PADI2: variants seen among roughly 807,000 people sequenced by gnomAD.
PADI2 encodes the protein protein-arginine deiminase type-2.
PADI2 carries 70 observed loss-of-function variants against 81.1 expected under a neutral mutation model. That is an observed-to-expected ratio of 0.86 (90% CI 0.71 to 1.05). The LOEUF is 1.05. PADI2 is among the 50% of genes least tolerant of loss of function. The probability of loss-of-function intolerance (pLI) is 0.00; values close to 1 mark genes in which losing one functional copy is unlikely to be tolerated. For synonymous variants in PADI2, 338 were observed against 358.0 expected, an observed-to-expected ratio of 0.94 and a Z score of 0.63; for missense variants, 853 against 889.9, an observed-to-expected ratio of 0.96 and a Z score of 0.53.
At chr1:17,092,874 A>G (rs1252055569) in intron 5 of PADI2, among the ~76,000 whole-genome samples, 4 of 147,484 alleles carry the variant, frequency 2.7e-5, no homozygotes, top group Non-Finnish European at 6.0e-5. Flanking sequence ...GCTTGAACCC[A>G]GGGGGTTGAG....
rs145447459 is a variant in PADI2, at chr1:17,095,321, A to T, written c.411+588T>A. On this transcript the variant is annotated intron_variant, in intron 4 of 15. Transcript: ENST00000375486. ...CACCAACCACACCACATGCCTCCTG[A>T]GAGTCACCAGAGCAGAAAGAGACAC... Among the ~76,000 whole-genome samples the T allele has an allele frequency of 4.7e-3, 716 of 152,344 alleles. 4 individuals are homozygous for T. Among genetic ancestry groups the T allele is most frequent in the Non-Finnish European group, 8.9e-3 (604 of 68,040 alleles).
At chr1:17,094,700 G>A (rs1226906004) in intron 4 of PADI2, among the ~76,000 whole-genome samples, 1 of 152,248 alleles carries the variant, frequency 6.6e-6, no homozygotes, top group East Asian at 1.9e-4. Context: ...TATGGGATGA[G>A]TGAAGAAAAT....
intron 11 of PADI2, among the ~76,000 whole-genome samples, chr1:17,076,425 A>C (rs570654007): frequency 2.6e-5 from 4 of 151,880 alleles, no homozygotes; most frequent in Non-Finnish European, 5.9e-5. Context: ...ATGTTGGCCA[A>C]GCTGGTCTTG....
intron 4 of PADI2, among the ~76,000 whole-genome samples, chr1:17,094,875 T>C (rs1930852053): frequency 6.6e-6 from 1 of 152,172 alleles, no homozygotes; most frequent in East Asian, 1.9e-4. Context: ...TCATATGGCT[T>C]GGCCATAGAC....
chr1:17,114,681 C>T lies in PADI2; in HGVS notation c.92+4599G>A, dbSNP rs560883398. ...AAAAAATGTGATGAAACAGAGTTCT[C>T]GGGACTCAGGGTAGGGCACCACGAC... On this transcript the variant is annotated intron_variant, in intron 1 of 15. Transcript: ENST00000375486. Among the ~76,000 whole-genome samples the T allele has an allele frequency of 6.2e-5, 9 of 145,426 alleles. No individual in the cohort carries two copies. In the South Asian group the frequency reaches 1.2e-3, roughly 20 times the overall value.
chr1:17,073,224 C>CG lies in PADI2; in HGVS notation c.1549+1631dup, dbSNP rs779632511. Among the ~76,000 whole-genome samples the CG allele has an allele frequency of 4.6e-5, 7 of 152,092 alleles. No individual in the cohort carries two copies. In the East Asian group the frequency reaches 1.4e-3, roughly 29 times the overall value. ...TGAGGTCAGGAGATTGAGACCATCC[C>CG]GGCTAACATGGTGAAACCCCACCTC... On this transcript the variant is annotated intron_variant, in intron 13 of 15. Transcript: ENST00000375486.
chr1:17,088,086 G>A (rs1002263644), intron 6 of PADI2, among the ~76,000 whole-genome samples: 4 of 152,070 alleles, frequency 2.6e-5, no homozygotes, highest in African/African-American at 7.2e-5. Flanking sequence ...TGTGGGAAGC[G>A]TCATAACGGC....
At position 17,115,534 on chromosome 1, in the gene PADI2, A is replaced by G. The variant is rs1173504652; in HGVS notation, c.92+3746T>C. Among the ~76,000 whole-genome samples the G allele has an allele frequency of 6.6e-6, 1 of 152,220 alleles. No individual in the cohort carries two copies. Among genetic ancestry groups the G allele is most frequent in the Non-Finnish European group, 1.5e-5 (1 of 68,030 alleles). On this transcript the variant is annotated intron_variant, in intron 1 of 15. Coordinates refer to ENST00000375486, the MANE Select transcript of PADI2 (RefSeq NM_007365.3). This position sits in a 1 kb window ranked among gnomAD's most constrained non-coding sequence, Gnocchi z 4.1. ...GTGGGCAGAGAGTGACCACCCTGCT[A>G]CCTACTTTACTCCGAGGCTGCCCTG...
At chr1:17,100,187 G>A (rs1931093057) in intron 3 of PADI2, among the ~76,000 whole-genome samples, 4 of 152,248 alleles carry the variant, frequency 2.6e-5, no homozygotes, top group Non-Finnish European at 5.9e-5. Context: ...AGGGAAACCA[G>A]ATTTTCACCA....
rs1931852373 is a variant in PADI2 at position 17,119,047 on chromosome 1, G to A, written c.92+233C>T. ...AAAGGGAGGGTCTGTGAGGGAGCTG[G>A]GGCTGAGGCTGTGTTAGGGGGTCTG... On this transcript the variant is annotated intron_variant, in intron 1 of 15. Transcript: ENST00000375486. This position sits in a 1 kb window ranked among gnomAD's most constrained non-coding sequence, Gnocchi z 4.8. 6.6e-6 allele frequency among the ~76,000 whole-genome samples: 1 copy of A among 152,112 alleles called. No individual in the cohort carries two copies. Among genetic ancestry groups the A allele is most frequent in the South Asian group, 2.1e-4 (1 of 4,824 alleles).
chr1:17,071,900 C>T (rs2078267149), intron 13 of PADI2, among the ~76,000 whole-genome samples: 3 of 152,218 alleles, frequency 2.0e-5, no homozygotes, highest in Non-Finnish European at 4.4e-5. Flanking sequence ...AGAGCTGCCT[C>T]ATCTTGGCTG....
In PADI2 at chr1:17,067,158, C is replaced by T. The variant is rs2101564274; in HGVS notation, c.*1886G>A. 6.8e-6 allele frequency: 1 copy of T among 147,122 alleles called. No homozygotes were observed. The highest frequency in any genetic ancestry group is 6.9e-5 in the Admixed American group (1 of 14,448). 9.1% of individuals were successfully genotyped at this position (147,122 alleles called of 1,614,324 possible). On this transcript the variant is annotated 3_prime_UTR_variant, in exon 16 of 16. Coordinates refer to ENST00000375486, the MANE Select transcript of PADI2 (RefSeq NM_007365.3). ...AGCCTTAGAAAAATCTATAAAGACACACTGTCTGCACATGGGAGGCGCTCA... is the reference window on the plus strand; with the variant it reads ...AGCCTTAGAAAAATCTATAAAGACATACTGTCTGCACATGGGAGGCGCTCA...
At position 17,084,676 on chromosome 1, in the gene PADI2, C is replaced by A; in HGVS notation, c.861G>T (p.Thr287=). The A allele has an allele frequency of 6.4e-7, 1 of 1,562,426 alleles. No individual in the cohort carries two copies. Among genetic ancestry groups the A allele is most frequent in the East Asian group, 2.4e-5 (1 of 41,388 alleles). ...AQDIPLTPIF[T]DTVIFRIAPW... is the part of the protein sequence containing the mutation. ...GAGCAATCCGGAATATCACGGTGTC[C>A]GTGAAGATGGGAGTCAGGGGAATGT... The change falls in exon 8 of 16, where the codon ACG becomes ACT. Residue 287 remains threonine, a synonymous_variant. Transcript: ENST00000375486.
chr1:17,081,993 A>G (rs1183210920), intron 10 of PADI2, among the ~76,000 whole-genome samples: 1 of 152,134 alleles, frequency 6.6e-6, no homozygotes, highest in East Asian at 1.9e-4. Context: ...CATGCCTGTA[A>G]TCCCAGCTAC....
intron 1 of PADI2, among the ~76,000 whole-genome samples, chr1:17,110,430 C>A (rs189292691): frequency 5.7e-4 from 87 of 152,218 alleles, no homozygotes; most frequent in African/African-American, 2.0e-3. Context: ...AATGAATGCA[C>A]CTGCCCTTCT....
intron 5 of PADI2, among the ~76,000 whole-genome samples, chr1:17,092,766 T>C (rs1390395391): frequency 6.6e-6 from 1 of 151,302 alleles, no homozygotes; most frequent in Non-Finnish European, 1.5e-5. Context: ...CTGAGCAACA[T>C]AGCAAGACCC....
At chr1:17,070,010 G>C in intron 15 of PADI2, 78 bp downstream of exon 15, 2 of 1,507,698 alleles carry the variant, frequency 1.3e-6, no homozygotes, top group Non-Finnish European at 1.8e-6. Context: ...CCATTGGACA[G>C]CTTCAGCTGA....
At chr1:17,087,278 T>C (rs1001226794) in intron 6 of PADI2, among the ~76,000 whole-genome samples, 3 of 152,054 alleles carry the variant, frequency 2.0e-5, no homozygotes, top group African/African-American at 4.8e-5. Flanking sequence ...GAAAGATAGG[T>C]TCCTCCAGGG....
intron 1 of PADI2, among the ~76,000 whole-genome samples, chr1:17,111,360 G>T (rs1931574379): frequency 6.6e-6 from 1 of 152,078 alleles, no homozygotes; most frequent in Non-Finnish European, 1.5e-5. Flanking sequence ...CTCCCAAAGT[G>T]CTGGGATTAC....
Sources: gnomAD v4.1 joint callset for allele counts (sites outside exome capture counted in the v4.1 genomes callset) on GRCh38, gnomAD v4.1.1 for gene constraint, Gnocchi (gnomAD v3.1) non-coding constraint, MANE v1.5 for transcripts, NCBI Gene and HGNC (gene_info 2026-07-23, HGNC 2026-07-21) for gene names.